Variants in NBAS observed in about 807,000 individuals in gnomAD.
NBAS encodes the protein NAG/BC035112 fusion.
NBAS carries 219 observed loss-of-function variants against 302.5 expected under a neutral mutation model. The ratio of observed to expected loss-of-function variants is 0.72; its 90% CI spans 0.65 to 0.81. The LOEUF (loss-of-function observed/expected upper bound fraction) is 0.81. Ranked by LOEUF, NBAS falls within the 30% of genes least tolerant of loss-of-function variation. NBAS has a pLI of 0.00. For synonymous variants in NBAS, 1,118 were observed against 1,021.6 expected, an observed-to-expected ratio of 1.09 and a Z score of -1.80; for missense variants, 2,932 against 2,841.6, an observed-to-expected ratio of 1.03 and a Z score of -0.72.
intron 12 of NBAS, among the ~76,000 whole-genome samples, chr2:15,484,159 A>G: frequency 6.6e-6 from 1 of 152,180 alleles, no homozygotes; most frequent in East Asian, 1.9e-4. Flanking sequence ...TACTACTTGC[A>G]CATTTCTAGG....
chr2:15,470,700 T>C (rs1336813069), intron 16 of NBAS, among the ~76,000 whole-genome samples: 1 of 152,210 alleles, frequency 6.6e-6, no homozygotes, highest in Non-Finnish European at 1.5e-5. Context: ...CTCTACCAGA[T>C]CTATAATAAT....
At chr2:15,079,342 G>A in the NBAS span, among the ~76,000 whole-genome samples, 5 of 152,026 alleles carry the variant, frequency 3.3e-5, no homozygotes, top group Non-Finnish European at 7.4e-5. Flanking sequence ...TACAAAGCAG[G>A]ATATGATATT....
chr2:14,924,024 A>C, the NBAS span, among the ~76,000 whole-genome samples: 1 of 152,172 alleles, frequency 6.6e-6, no homozygotes, highest in Non-Finnish European at 1.5e-5. Flanking sequence ...TCGCATATGC[A>C]ATCACTTGGA....
the NBAS span, chr2:14,886,861 G>C: frequency 6.6e-6 from 1 of 152,180 alleles, no homozygotes; most frequent in Admixed American, 6.5e-5. Flanking sequence ...CCATTCTCCT[G>C]TTTCACACAA....
the NBAS span, among the ~76,000 whole-genome samples, chr2:14,975,839 T>C: frequency 0.13 from 18,896 of 150,184 alleles, 1,412 homozygotes; most frequent in Middle Eastern, 0.21. Context: ...AAAAAAAAAA[T>C]GACCCAAAAG....
chr2:14,950,544 G>A, the NBAS span, among the ~76,000 whole-genome samples: 2 of 152,052 alleles, frequency 1.3e-5, no homozygotes, highest in Non-Finnish European at 2.9e-5. Context: ...ATTATGCATC[G>A]ATATAAAGAA....
the NBAS span, among the ~76,000 whole-genome samples, chr2:14,843,987 T>C: frequency 1.3e-5 from 2 of 152,012 alleles, no homozygotes; most frequent in African/African-American, 4.8e-5. Flanking sequence ...GACTGCAACT[T>C]CTGTGTGAGT....
chr2:15,487,972 A>C (rs1680702923), intron 12 of NBAS, among the ~76,000 whole-genome samples: 1 of 152,204 alleles, frequency 6.6e-6, no homozygotes, highest in Non-Finnish European at 1.5e-5. Context: ...AAACAAATAA[A>C]TTTAAACCAG....
intron 48 of NBAS, among the ~76,000 whole-genome samples, chr2:15,210,835 C>T (rs1442163179): frequency 6.6e-6 from 1 of 152,130 alleles, no homozygotes; most frequent in Non-Finnish European, 1.5e-5. Flanking sequence ...ACAGATGGAA[C>T]TGGAGGTCAT....
chr2:15,476,592 G>A (rs146423182), intron 13 of NBAS, among the ~76,000 whole-genome samples: 3,230 of 152,080 alleles, frequency 0.021, 86 homozygotes, highest in East Asian at 0.06. Context: ...ATGGTGGTGC[G>A]TGCCTGTAGT....
the NBAS span, among the ~76,000 whole-genome samples, chr2:14,944,323 C>CAAAAAAACA: frequency 1.1e-4 from 16 of 151,792 alleles, no homozygotes; most frequent in African/African-American, 3.4e-4. Flanking sequence ...AACAAAAAAA[C>CAAAAAAACA]AAAAAAACAA....
chr2:15,099,365 T>A, the NBAS span, among the ~76,000 whole-genome samples: 92 of 152,240 alleles, frequency 6.0e-4, no homozygotes, highest in Middle Eastern at 3.4e-3. Context: ...AGATTATTTT[T>A]ATATTTATAT....
chr2:15,362,225 C>T (rs1429647618), intron 32 of NBAS, among the ~76,000 whole-genome samples: 1 of 151,140 alleles, frequency 6.6e-6, no homozygotes, highest in Admixed American at 6.6e-5. Flanking sequence ...CGCCTGTAAT[C>T]TTAGCACTTT....
At chr2:15,375,075 A>T (rs573450325) in intron 30 of NBAS, among the ~76,000 whole-genome samples, 30 of 152,346 alleles carry the variant, frequency 2.0e-4, no homozygotes, top group African/African-American at 6.7e-4. Context: ...AAAAAATTTT[A>T]AAGGATGAAG....
chr2:15,449,290 C>T (rs77379852), intron 21 of NBAS, among the ~76,000 whole-genome samples: 1,932 of 152,274 alleles, frequency 0.013, 32 homozygotes, highest in East Asian at 0.059. Context: ...GCCTCACAAT[C>T]TTGCCCTAAA....
At chr2:14,960,047 T>C in the NBAS span, among the ~76,000 whole-genome samples, 5 of 152,212 alleles carry the variant, frequency 3.3e-5, no homozygotes, top group Non-Finnish European at 7.3e-5. Flanking sequence ...TTATAGTACT[T>C]GCTAGAACTA....
chr2:14,881,136 C>T, the NBAS span, among the ~76,000 whole-genome samples: 45 of 152,218 alleles, frequency 3.0e-4, no homozygotes, highest in Admixed American at 2.9e-3. Context: ...TATATGTACA[C>T]CATGGTATAC....
At chr2:15,212,866 G>A (rs986847021) in intron 48 of NBAS, among the ~76,000 whole-genome samples, 1 of 90,054 alleles carries the variant, frequency 1.1e-5, no homozygotes, top group Non-Finnish European at 1.9e-5. Context: ...AGAATTGTGA[G>A]TCAAACCTCT....
At chr2:15,077,971 C>T in the NBAS span, among the ~76,000 whole-genome samples, 1 of 151,984 alleles carries the variant, frequency 6.6e-6, no homozygotes, top group Admixed American at 6.6e-5. Context: ...CATGAGCCAC[C>T]ACGCCTGGCC....
Sources: allele counts gnomAD v4.1 joint callset (sites outside exome capture counted in the v4.1 genomes callset), GRCh38; gene constraint gnomAD v4.1.1; transcripts MANE v1.5; gene names NCBI Gene and HGNC (gene_info 2026-07-23, HGNC 2026-07-21).